Variants in CSMD1 observed in about 807,000 individuals in gnomAD.
CSMD1 encodes the protein CUB and sushi domain-containing protein 1.
Under a neutral mutation model 417.5 loss-of-function variants are expected in CSMD1, and 213 were observed. The observed-to-expected ratio is 0.51, with a 90% CI of 0.46 to 0.57. The LOEUF (loss-of-function observed/expected upper bound fraction) is 0.57, where lower values mean the gene tolerates loss of function less well. Ranked by LOEUF, CSMD1 falls within the 20% of genes least tolerant of loss-of-function variation. The pLI, the probability that CSMD1 is intolerant of heterozygous loss-of-function variation, is 0.00. For missense variants in CSMD1, 6,923 were observed against 4,529.7 expected (o/e 1.53, Z -15.17); for synonymous variants, 2,862 against 1,736.8 (o/e 1.65, Z -16.11).
chr8:4,166,823 C>G (rs144773857), intron 3 of CSMD1, among the ~76,000 whole-genome samples: 16 of 152,294 alleles, frequency 1.1e-4, no homozygotes, highest in South Asian at 6.2e-4. Flanking sequence ...ATATTTTACA[C>G]TACTTATCTT....
intron 10 of CSMD1, among the ~76,000 whole-genome samples, chr8:3,531,379 T>G (rs1797974109): frequency 6.6e-6 from 1 of 152,206 alleles, no homozygotes; most frequent in African/African-American, 2.4e-5. Flanking sequence ...CAGATGTGTT[T>G]TCATTATAGA....
chr8:4,634,260 C>T (rs1406852132), intron 2 of CSMD1, among the ~76,000 whole-genome samples: 3 of 152,192 alleles, frequency 2.0e-5, no homozygotes, highest in South Asian at 2.1e-4. Context: ...AATGTTTTTA[C>T]ATATGTAAAT....
chr8:4,056,483 T>C (rs1405174106), intron 3 of CSMD1, among the ~76,000 whole-genome samples: 1 of 151,904 alleles, frequency 6.6e-6, no homozygotes, highest in African/African-American at 2.4e-5. Context: ...TTTCCGGGGC[T>C]GAGAGTCCTG....
rs531668216 is a variant in CSMD1, at chr8:4,447,129, T to A, written c.303-27064A>T. Among the ~76,000 whole-genome samples, 7 of 152,214 alleles carry A rather than the reference T, an allele frequency of 4.6e-5. No homozygotes were observed. The South Asian group carries it at 1.2e-3, about 27-fold the overall frequency. Reference sequence around the variant, plus strand: ...ACTTACTTAAATGTACATTTGCAAATAGAATGTTAAAGACAAACAACATTT... The same window carrying A: ...ACTTACTTAAATGTACATTTGCAAAAAGAATGTTAAAGACAAACAACATTT... On this transcript the variant is annotated intron_variant, in intron 2 of 69. Transcript: ENST00000635120.
At chr8:4,164,999 T>C in intron 3 of CSMD1, among the ~76,000 whole-genome samples, 1 of 152,170 alleles carries the variant, frequency 6.6e-6, no homozygotes, top group East Asian at 1.9e-4. Flanking sequence ...GAGTTTCCTA[T>C]GTTCTTGTAT....
intron 1 of CSMD1, among the ~76,000 whole-genome samples, chr8:4,758,555 T>G (rs1182355621): frequency 6.6e-6 from 1 of 152,166 alleles, no homozygotes; most frequent in Non-Finnish European, 1.5e-5. Context: ...GTCAGTGTAT[T>G]AGTCCATTTT....
chr8:3,533,960 C>G (rs1351731401), intron 10 of CSMD1, among the ~76,000 whole-genome samples: 2 of 152,138 alleles, frequency 1.3e-5, no homozygotes, highest in Admixed American at 6.5e-5. Context: ...TAAGAGGGCA[C>G]ATGAAACAAA....
intron 1 of CSMD1, among the ~76,000 whole-genome samples, chr8:4,834,523 A>G (rs1047602579): frequency 1.3e-5 from 2 of 152,200 alleles, no homozygotes; most frequent in African/African-American, 2.4e-5. Flanking sequence ...ACACATGAAG[A>G]TAAGGGTGAG....
chr8:3,130,077 C>T (rs940351071), intron 41 of CSMD1, among the ~76,000 whole-genome samples: 1 of 152,008 alleles, frequency 6.6e-6, no homozygotes, highest in African/African-American at 2.4e-5. Context: ...CTGAGATACA[C>T]CAATTAATTG....
At chr8:3,172,738 A>G (rs1820659603) in intron 37 of CSMD1, among the ~76,000 whole-genome samples, 1 of 152,198 alleles carries the variant, frequency 6.6e-6, no homozygotes, top group African/African-American at 2.4e-5. Flanking sequence ...GGTCATTCCT[A>G]AAGAAAAACA....
At chr8:3,634,722 C>T (rs2117273953) in intron 7 of CSMD1, among the ~76,000 whole-genome samples, 1 of 152,256 alleles carries the variant, frequency 6.6e-6, no homozygotes. Flanking sequence ...CCTACTCAGC[C>T]TTTCTGGATT....
chr8:4,396,560 G>C lies in CSMD1; in HGVS notation c.415+23393C>G, dbSNP rs114832935. 4.9e-3 allele frequency among the ~76,000 whole-genome samples: 749 copies of C among 151,864 alleles called. 6 individuals are homozygous for C. The highest frequency in any genetic ancestry group is 0.017 in the African/African-American group (692 of 41,436). ...AGTTAAGTTTATAGCAGCAAAATTC[G>C]CAACTGCAACCAGCCTAAATGCCCA... On this transcript the variant is annotated intron_variant, in intron 3 of 69. Coordinates refer to ENST00000635120, the MANE Select transcript of CSMD1 (RefSeq NM_033225.6).
chr8:3,268,572 C>T (rs957063518), intron 26 of CSMD1, among the ~76,000 whole-genome samples: 3 of 152,058 alleles, frequency 2.0e-5, no homozygotes, highest in African/African-American at 7.2e-5. Flanking sequence ...AGGCGTGAGC[C>T]ACCGTGCCAG....
At chr8:3,736,333 C>T (rs1360359607) in intron 6 of CSMD1, among the ~76,000 whole-genome samples, 1 of 152,036 alleles carries the variant, frequency 6.6e-6, no homozygotes, top group Non-Finnish European at 1.5e-5. Flanking sequence ...CCTCCACCTC[C>T]TGGGCTCAGG....
intron 25 of CSMD1, among the ~76,000 whole-genome samples, chr8:3,289,114 A>G (rs1030564365): frequency 6.8e-6 from 1 of 147,224 alleles, no homozygotes; most frequent in Admixed American, 6.7e-5. Flanking sequence ...GCTGAGAATG[A>G]TGGTTTCCAG....
At chr8:3,587,669 G>C (rs1371855240) in intron 8 of CSMD1, among the ~76,000 whole-genome samples, 2 of 152,124 alleles carry the variant, frequency 1.3e-5, no homozygotes, top group African/African-American at 4.8e-5. Context: ...CATCAAATCA[G>C]AGTCAAAGCA....
At chr8:3,255,452 C>T (rs563362516) in intron 26 of CSMD1, among the ~76,000 whole-genome samples, 124 of 152,346 alleles carry the variant, frequency 8.1e-4, no homozygotes, top group African/African-American at 2.8e-3. Context: ...GTTGTCTGTG[C>T]CCTGCCCCCA....
chr8:3,284,323 G>A lies in CSMD1; in HGVS notation c.3974C>T (p.Thr1325Met), dbSNP rs763797476. The A allele has an allele frequency of 6.2e-7, 1 of 1,613,736 alleles. No homozygotes were observed. The highest frequency in any genetic ancestry group is 2.2e-5 in the East Asian group (1 of 44,870). ...TISLHFIVFD[T>M]EMAHDILKVW... ...CTTGAGGATGTCGTGAGCCATCTCC[G>A]TGTCGAAAACAATGAAATGGAGGCT... Residue 1325 changes from threonine (T) to methionine (M), a missense_variant, in exon 26 of 70, where the codon ACG becomes ATG. Coordinates refer to ENST00000635120, the MANE Select transcript of CSMD1 (RefSeq NM_033225.6).
chr8:4,918,297 T>C (rs1297374608), intron 1 of CSMD1, among the ~76,000 whole-genome samples: 43 of 152,342 alleles, frequency 2.8e-4, no homozygotes, highest in Admixed American at 2.8e-3. Context: ...TTTGTATTTA[T>C]GAGCTTCGAA....
Sources: allele counts gnomAD v4.1 joint callset (sites outside exome capture counted in the v4.1 genomes callset), GRCh38; gene constraint gnomAD v4.1.1; transcripts MANE v1.5; gene names NCBI Gene and HGNC (gene_info 2026-07-23, HGNC 2026-07-21).